The following GALC variants were observed in gnomAD, a reference collection of about 807,000 sequenced individuals.
GALC encodes the protein galactosylceramidase.
In GALC, 77 loss-of-function variants were observed where a neutral mutation model predicts 91.8. The ratio of observed to expected loss-of-function variants is 0.84; its 90% CI spans 0.70 to 1.01. The LOEUF is 1.01. Ranked by LOEUF, GALC falls within the 50% of genes least tolerant of loss-of-function variation. The pLI, the probability that GALC is intolerant of heterozygous loss-of-function variation, is 0.00. For synonymous variants in GALC, 357 were observed against 306.7 expected (o/e 1.16, Z -1.71); for missense variants, 882 against 855.9 (o/e 1.03, Z -0.38).
At chr14:87,941,943 C>A (rs1282345145) in intron 14 of GALC, among the ~76,000 whole-genome samples, 2 of 149,352 alleles carry the variant, frequency 1.3e-5, no homozygotes, top group Admixed American at 1.4e-4. Context: ...AATGTTTATT[C>A]AAACTTCCAT....
intron 10 of GALC, chr14:87,954,575 T>C: frequency 1.3e-6 from 2 of 1,571,632 alleles, no homozygotes; most frequent in Admixed American, 3.6e-5. Context: ...GGCAATTACA[T>C]TTAAAGCAAA....
intron 10 of GALC, among the ~76,000 whole-genome samples, chr14:87,962,452 G>A (rs1030375105): frequency 3.3e-5 from 5 of 152,050 alleles, no homozygotes; most frequent in African/African-American, 1.2e-4. Context: ...GGTCAATACT[G>A]CCAGGAATAT....
chr14:87,940,001 T>A lies in GALC; in HGVS notation c.1835-20A>T, dbSNP rs372755909. On this transcript the variant is annotated intron_variant, in intron 15 of 16. Coordinates refer to ENST00000261304, the MANE Select transcript of GALC (RefSeq NM_000153.4). ...ATCCAGCTGTAACACAAAAATATTA[T>A]CCCAATAGATATAATTTTGAGATCT... 1.7e-5 allele frequency: 26 copies of A among 1,564,162 alleles called. No individual in the cohort carries two copies. The highest frequency in any genetic ancestry group is 1.1e-4 in the African/African-American group (8 of 73,838).
chr14:87,955,116 T>G lies in GALC; in HGVS notation c.1162-4368A>C, dbSNP rs535993683. ...AGATTCAGAGCCTTTTTGTGTTAGA[T>G]GAAAGCAGCTATCCATTACAACAAG... On this transcript the variant is annotated intron_variant, in intron 10 of 16. Coordinates refer to ENST00000261304, the MANE Select transcript of GALC (RefSeq NM_000153.4). 2.5e-5 allele frequency: 34 copies of G among 1,353,856 alleles called. No individual in the cohort carries two copies. The African/African-American group carries it at 4.1e-4, about 16-fold the overall frequency. The allele number at this position is 1,353,856 out of a possible 1,614,324, so 83.9% of individuals were successfully genotyped here. A position where few individuals can be genotyped will look rare whatever the true frequency, so the allele number is the denominator to read the frequency against.
At chr14:87,949,351 T>G (rs144714824) in intron 12 of GALC, among the ~76,000 whole-genome samples, 131 of 152,122 alleles carry the variant, frequency 8.6e-4, no homozygotes, top group East Asian at 3.5e-3. Context: ...CACTAAGGAA[T>G]GTTAACTTCT....
chr14:87,963,748 G>A (rs1247458959), intron 9 of GALC, among the ~76,000 whole-genome samples: 1 of 151,968 alleles, frequency 6.6e-6, no homozygotes, highest in East Asian at 1.9e-4. Flanking sequence ...GAACCTGTCA[G>A]TTCAAGAATA....
At chr14:87,979,306 C>A (rs1304625465) in intron 6 of GALC, among the ~76,000 whole-genome samples, 2 of 152,160 alleles carry the variant, frequency 1.3e-5, no homozygotes, top group African/African-American at 4.8e-5. Flanking sequence ...GGATTACAGG[C>A]ACGAGCCACT....
chr14:87,944,477 C>T (rs1884984692), intron 14 of GALC, among the ~76,000 whole-genome samples: 1 of 151,974 alleles, frequency 6.6e-6, no homozygotes, highest in African/African-American at 2.4e-5. Context: ...ATGCCAAGAA[C>T]TCCACTACCA....
chr14:87,949,963 G>T, intron 11 of GALC, 32 bp from the exon 12 acceptor site: 1 of 1,074,644 alleles, frequency 9.3e-7, no homozygotes. Flanking sequence ...GCATGGCTGA[G>T]TAATTCATCA....
At chr14:87,993,419 T>C (rs1383648584), upstream of GALC, 1 of 1,535,846 alleles carries the variant, frequency 6.5e-7, no homozygotes, top group Admixed American at 2.0e-5. Flanking sequence ...GGTGGAGCAC[T>C]TTAACGCAGG....
At chr14:87,980,963 T>C (rs1886719473) in intron 6 of GALC, among the ~76,000 whole-genome samples, 1 of 152,236 alleles carries the variant, frequency 6.6e-6, no homozygotes, top group African/African-American at 2.4e-5. Context: ...AACACGCATG[T>C]GCAAGTATCT....
At position 87,988,461 on chromosome 14, in the gene GALC, G is replaced by A. The variant is rs375382346; in HGVS notation, c.258C>T (p.Leu86=). The change falls in exon 2 of 17, where the codon CTC becomes CTT. Residue 86 remains leucine (L), a synonymous_variant. Coordinates refer to ENST00000261304, the MANE Select transcript of GALC (RefSeq NM_000153.4). ...EPYRSQILDY[L]FKPNFGASLH... is the part of the protein sequence containing the mutation. The stretch of plus-strand genomic sequence containing the variant: ...ATAATTATGTTTTCATTACCTTAAA[G>A]AGATAATCCAATATCTGAGAACGAT... 6.3e-7 allele frequency: 1 copy of A among 1,591,426 alleles called. No individual in the cohort carries two copies. Among genetic ancestry groups the A allele is most frequent in the Non-Finnish European group, 8.6e-7 (1 of 1,159,480 alleles).
chr14:87,981,322 G>A (rs1419257996), intron 6 of GALC: 1 of 152,350 alleles, frequency 6.6e-6, no homozygotes, highest in South Asian at 2.1e-4. Flanking sequence ...TGGGAAGGAG[G>A]TGAGGGATAA....
chr14:87,985,938 A>G (rs1886950428), intron 4 of GALC, among the ~76,000 whole-genome samples: 1 of 152,224 alleles, frequency 6.6e-6, no homozygotes, highest in Admixed American at 6.5e-5. Context: ...GTCCCAGAAC[A>G]GTAACCAGCA....
rs776663863 is a variant in GALC at position 87,993,083 on chromosome 14, C to T, written c.82G>A (p.Ala28Thr). 328 of 1,578,950 alleles carry T rather than the reference C, an allele frequency of 2.1e-4. 1 individual carries two copies. The highest frequency in any genetic ancestry group is 2.7e-4 in the Non-Finnish European group (312 of 1,163,522). The change falls in exon 1 of 17, where the codon GCG becomes ACG. Residue 28 changes from alanine (A) to threonine (T), a missense_variant. Physicochemically the swap from Ala to Thr is moderately conservative, Grantham distance 58 (BLOSUM62 0). Coordinates refer to ENST00000261304, the MANE Select transcript of GALC (RefSeq NM_000153.4). The stretch of plus-strand genomic sequence containing the variant: ...AGCGCACACAGCAGCAAGGGCACCG[C>T]GGCGCGGCCCGCCGAACCCGCGGCC... ...TAAAGSAGRA[A>T]VPLLLCALLA... is the part of the protein sequence containing the mutation.
At chr14:87,944,722 C>A (rs1015106731) in intron 14 of GALC, among the ~76,000 whole-genome samples, 17 of 151,954 alleles carry the variant, frequency 1.1e-4, no homozygotes, top group African/African-American at 4.1e-4. Flanking sequence ...GAGTAAGGCA[C>A]TTCAGGAGGG....
chr14:87,980,368 A>C (rs191132135), intron 6 of GALC: 32,671 of 306,702 alleles, frequency 0.11, 2,387 homozygotes, highest in Admixed American at 0.13. Flanking sequence ...GGTGACAGAG[A>C]GAGACTCTGT....
At chr14:87,935,003 A>G in intron 16 of GALC, 125 bp from the exon 17 acceptor site, 1 of 696,438 alleles carries the variant, frequency 1.4e-6, no homozygotes, top group South Asian at 1.7e-5. Flanking sequence ...ACTTAACCAC[A>G]GCAAAACACA....
intron 10 of GALC, among the ~76,000 whole-genome samples, chr14:87,960,068 T>TA (rs112719561): frequency 0.11 from 17,150 of 151,080 alleles, 1,131 homozygotes; most frequent in Non-Finnish European, 0.16. Flanking sequence ...CATGTAGAAT[T>TA]AAAAAAAAAG....
Sources: allele counts gnomAD v4.1 joint callset (sites outside exome capture counted in the v4.1 genomes callset), GRCh38; gene constraint gnomAD v4.1.1; transcripts MANE v1.5; gene names NCBI Gene and HGNC (gene_info 2026-07-23, HGNC 2026-07-21).